Variants in RAB40C observed in about 807,000 individuals in gnomAD.
The protein encoded by RAB40C is ras-related protein Rab-40C.
In RAB40C, 8 loss-of-function variants were observed where a neutral mutation model predicts 28.1. The ratio of observed to expected loss-of-function variants is 0.28; its 90% CI spans 0.17 to 0.51. The LOEUF is 0.51. Ranked by LOEUF, RAB40C falls within the 20% of genes least tolerant of loss-of-function variation. The pLI, the probability that RAB40C is intolerant of heterozygous loss-of-function variation, is 0.97. For synonymous variants in RAB40C, 201 were observed against 171.7 expected, an observed-to-expected ratio of 1.17 and a Z score of -1.34; for missense variants, 288 against 405.9, an observed-to-expected ratio of 0.71 and a Z score of 2.50.
intron 4 of RAB40C, 149 bp from the exon 5 acceptor site, chr16:625,750 C>T: frequency 1.1e-6 from 1 of 893,152 alleles, no homozygotes; most frequent in Non-Finnish European, 1.7e-6. Context: ...GGGCCTGAGC[C>T]CTGGGGTCTG....
intron 1 of RAB40C, among the ~76,000 whole-genome samples, chr16:614,915 A>G (rs191420511): frequency 1.3e-5 from 2 of 152,348 alleles, no homozygotes; most frequent in South Asian, 2.1e-4. Flanking sequence ...GCCTAACTCT[A>G]CCGCATCCTG....
chr16:597,834 C>T (rs1433038527), intron 1 of RAB40C, among the ~76,000 whole-genome samples: 2 of 150,140 alleles, frequency 1.3e-5, no homozygotes, highest in East Asian at 2.0e-4. Context: ...GGCACGGTGG[C>T]TCACACCTGC....
intron 1 of RAB40C, among the ~76,000 whole-genome samples, chr16:591,648 G>A (rs932596885): frequency 6.6e-6 from 1 of 150,642 alleles, no homozygotes; most frequent in African/African-American, 2.4e-5. Context: ...CTGGAGTGCA[G>A]TGGCACAATT....
intron 1 of RAB40C, among the ~76,000 whole-genome samples, chr16:591,516 C>G (rs1469088228): frequency 1.3e-5 from 2 of 152,102 alleles, no homozygotes; most frequent in Non-Finnish European, 2.9e-5. Context: ...CTGAGGGAGT[C>G]AACGCTTTGT....
In RAB40C at chr16:617,246, C is replaced by T. The variant is rs1330414651; in HGVS notation, c.181C>T (p.Arg61Trp). ...YKTTTILLDG[R>W]RVKLELWDTS... The stretch of plus-strand genomic sequence containing the variant: ...GACCACCACCATCCTGCTGGACGGC[C>T]GGCGCGTGAAGCTGGAGCTCTGGTG... The change falls in exon 2 of 6, where the codon CGG becomes TGG. Residue 61 changes from arginine to tryptophan, a missense_variant. Physicochemically the swap from Arg to Trp is moderately radical, Grantham distance 101 (BLOSUM62 -3). This residue lies in a region of RAB40C where 78 missense variants were observed against 88.2 expected (regional missense o/e 0.88). Transcript: ENST00000248139. The T allele has an allele frequency of 2.5e-6, 4 of 1,614,140 alleles. No individual in the cohort carries two copies. The highest frequency in any genetic ancestry group is 3.4e-6 in the Non-Finnish European group (4 of 1,180,024).
chr16:591,067 A>G (rs527582980), intron 1 of RAB40C, among the ~76,000 whole-genome samples: 29 of 150,148 alleles, frequency 1.9e-4, no homozygotes, highest in South Asian at 4.2e-4. Flanking sequence ...ATCTGGGGGA[A>G]GGCATCATGG....
At chr16:609,515 C>G (rs1291505409) in intron 1 of RAB40C, among the ~76,000 whole-genome samples, 1 of 151,932 alleles carries the variant, frequency 6.6e-6, no homozygotes, top group African/African-American at 2.4e-5. Context: ...GCCAGAGTCA[C>G]CAGCTTCCTG....
intron 3 of RAB40C, chr16:624,950 G>A (rs1307062214): frequency 7.8e-6 from 10 of 1,289,052 alleles, no homozygotes; most frequent in Non-Finnish European, 1.0e-5. Flanking sequence ...TGCCTGGCTG[G>A]GGGAGCTTCA....
At chr16:622,059 G>A (rs1567193855) in intron 3 of RAB40C, among the ~76,000 whole-genome samples, 1 of 152,194 alleles carries the variant, frequency 6.6e-6, no homozygotes. Context: ...AGCCACATGG[G>A]TGGAAGGGGC....
chr16:591,700 C>T (rs1333553588), intron 1 of RAB40C, among the ~76,000 whole-genome samples: 1 of 151,660 alleles, frequency 6.6e-6, no homozygotes, highest in Non-Finnish European at 1.5e-5. Flanking sequence ...CAAGCGATTC[C>T]CCTGTCTCAG....
At chr16:609,084 C>T (rs998588084) in intron 1 of RAB40C, among the ~76,000 whole-genome samples, 1 of 152,160 alleles carries the variant, frequency 6.6e-6, no homozygotes, top group East Asian at 1.9e-4. Context: ...CACTGCACTC[C>T]AGCCTGGGTG....
intron 1 of RAB40C, among the ~76,000 whole-genome samples, chr16:613,659 T>C (rs2036528609): frequency 6.6e-6 from 1 of 152,234 alleles, no homozygotes; most frequent in Non-Finnish European, 1.5e-5. Flanking sequence ...ATTCAAGTCC[T>C]TTGCCCTTTT....
chr16:606,790 T>A (rs1429642208), intron 1 of RAB40C, among the ~76,000 whole-genome samples: 2 of 152,136 alleles, frequency 1.3e-5, no homozygotes. Context: ...TCTCCTTCTG[T>A]CTCATCTGTA....
chr16:615,614 C>T (rs528812899), intron 1 of RAB40C, among the ~76,000 whole-genome samples: 2 of 152,304 alleles, frequency 1.3e-5, no homozygotes, highest in South Asian at 4.1e-4. Flanking sequence ...CTGCTCCTTT[C>T]AGTTTCTCTT....
intron 1 of RAB40C, among the ~76,000 whole-genome samples, chr16:590,994 A>G (rs556664847): frequency 2.0e-5 from 3 of 148,108 alleles, no homozygotes; most frequent in African/African-American, 7.6e-5. Flanking sequence ...AGAAGGCGTC[A>G]TGGGCCAAAA....
chr16:611,699 G>A (rs1182061552), intron 1 of RAB40C, among the ~76,000 whole-genome samples: 1 of 121,830 alleles, frequency 8.2e-6, no homozygotes, highest in East Asian at 2.9e-4. Flanking sequence ...TCAAGAGCAG[G>A]GACAGCCGCC....
intron 1 of RAB40C, among the ~76,000 whole-genome samples, chr16:607,770 G>A (rs1321124906): frequency 6.6e-6 from 1 of 152,190 alleles, no homozygotes; most frequent in Non-Finnish European, 1.5e-5. Context: ...CAGCCTGGGC[G>A]ACAGAGCAAG....
Position 608,367 on chromosome 16 carries a change from C to T in RAB40C, c.143-8841C>T, listed in dbSNP as rs185640836. On this transcript the variant is annotated intron_variant, in intron 1 of 5. Coordinates refer to ENST00000248139, the MANE Select transcript of RAB40C (RefSeq NM_021168.5). The stretch of plus-strand genomic sequence containing the variant: ...GGGATTAGTCAAGGTGAGATTTGGG[C>T]GGGGACACAGCCAAATCTTATCACT... Among the ~76,000 whole-genome samples, 23 of 152,260 alleles carry T rather than the reference C, an allele frequency of 1.5e-4. No individual in the cohort carries two copies. The East Asian group carries it at 3.9e-3, about 26-fold the overall frequency.
At chr16:622,615 C>T (rs2036743452) in intron 3 of RAB40C, among the ~76,000 whole-genome samples, 1 of 152,224 alleles carries the variant, frequency 6.6e-6, no homozygotes, top group African/African-American at 2.4e-5. Context: ...TCACGCCATT[C>T]TCCTGCCTCA....
Sources: allele counts gnomAD v4.1 joint callset (sites outside exome capture counted in the v4.1 genomes callset), GRCh38; gene constraint gnomAD v4.1.1; regional missense constraint gnomAD v4.1.1; transcripts MANE v1.5; gene names NCBI Gene and HGNC (gene_info 2026-07-23, HGNC 2026-07-21).